Variants in THADA observed in about 807,000 individuals in gnomAD.
THADA encodes THADA armadillo repeat containing.
In THADA, 213 loss-of-function variants were observed where a neutral mutation model predicts 219.8. That is an observed-to-expected ratio of 0.97 (90% confidence interval 0.87 to 1.09). THADA has a LOEUF of 1.09. Among genes scored for constraint, THADA ranks in the 50% least tolerant of loss-of-function variants. The pLI, the probability that THADA is intolerant of heterozygous loss-of-function variation, is 0.00. For synonymous variants in THADA, 1,018 were observed against 828.9 expected (o/e 1.23, Z -3.92); for missense variants, 2,956 against 2,311.3 (o/e 1.28, Z -5.72).
intron 36 of THADA, among the ~76,000 whole-genome samples, chr2:43,272,623 C>CTTTTTT (rs397871468): frequency 8.3e-6 from 1 of 120,304 alleles, no homozygotes; most frequent in Non-Finnish European, 1.7e-5. Flanking sequence ...TGGTTTTGTG[C>CTTTTTT]TTTTTTTTTT....
chr2:43,555,765 G>T (rs1697273625), intron 17 of THADA, among the ~76,000 whole-genome samples: 1 of 151,730 alleles, frequency 6.6e-6, no homozygotes, highest in Non-Finnish European at 1.5e-5. Context: ...TTCTATATCT[G>T]ATCTCCCTTT....
At chr2:43,416,723 G>C (rs1156396634) in intron 28 of THADA, among the ~76,000 whole-genome samples, 1 of 152,170 alleles carries the variant, frequency 6.6e-6, no homozygotes, top group Admixed American at 6.5e-5. Context: ...TATGAAAAGA[G>C]GGCAGTAGGA....
chr2:43,363,310 G>C (rs1215154147), intron 29 of THADA, among the ~76,000 whole-genome samples: 1 of 152,158 alleles, frequency 6.6e-6, no homozygotes, highest in Non-Finnish European at 1.5e-5. Flanking sequence ...GTAATGCATT[G>C]TGCTACATCA....
intron 30 of THADA, among the ~76,000 whole-genome samples, chr2:43,326,165 C>CA (rs57917515): frequency 0.01 from 1,146 of 110,982 alleles, 9 homozygotes; most frequent in East Asian, 0.032. Flanking sequence ...CAATGTCTGT[C>CA]AAAAAAAAAA....
intron 36 of THADA, among the ~76,000 whole-genome samples, chr2:43,240,350 C>T (rs1227536162): frequency 3.9e-5 from 6 of 152,198 alleles, no homozygotes; most frequent in Non-Finnish European, 7.3e-5. Flanking sequence ...TTCATGAGGC[C>T]GTTTCCAGAT....
chr2:43,581,497 T>A (rs1326852437), intron 8 of THADA, among the ~76,000 whole-genome samples: 8 of 136,210 alleles, frequency 5.9e-5, no homozygotes, highest in African/African-American at 2.3e-4. Flanking sequence ...TGAATAAACA[T>A]CACGCCACTA....
chr2:43,242,450 C>T (rs1668720029), intron 36 of THADA, among the ~76,000 whole-genome samples: 2 of 152,128 alleles, frequency 1.3e-5, no homozygotes, highest in African/African-American at 4.8e-5. Context: ...GATACAAATC[C>T]AGGCTTATCT....
chr2:43,511,291 A>C (rs1436763718), intron 22 of THADA, among the ~76,000 whole-genome samples: 1 of 152,208 alleles, frequency 6.6e-6, no homozygotes, highest in Non-Finnish European at 1.5e-5. Flanking sequence ...CTGAAATACA[A>C]ATACACTAAA....
intron 36 of THADA, among the ~76,000 whole-genome samples, chr2:43,252,689 G>T (rs1024270790): frequency 6.6e-6 from 1 of 152,098 alleles, no homozygotes; most frequent in Non-Finnish European, 1.5e-5. Context: ...GGATTCCCCA[G>T]GCCTGTGATG....
chr2:43,579,914 T>C (rs1700231890), intron 8 of THADA, among the ~76,000 whole-genome samples: 3 of 152,158 alleles, frequency 2.0e-5, no homozygotes, highest in Admixed American at 2.0e-4. Flanking sequence ...AAAGGAGGTT[T>C]GGTTTTCAGT....
intron 26 of THADA, among the ~76,000 whole-genome samples, chr2:43,454,796 C>T (rs1468214390): frequency 6.6e-6 from 1 of 152,138 alleles, no homozygotes; most frequent in African/African-American, 2.4e-5. Context: ...TCTATTTTAG[C>T]TCCAAGTGTG....
At chr2:43,303,777 T>G (rs981729500) in intron 31 of THADA, among the ~76,000 whole-genome samples, 1 of 151,984 alleles carries the variant, frequency 6.6e-6, no homozygotes, top group Non-Finnish European at 1.5e-5. Flanking sequence ...CAGTTTCCCC[T>G]GGCATTCCAA....
intron 1 of THADA, among the ~76,000 whole-genome samples, 198 bp from the exon 2 acceptor site, chr2:43,592,614 G>A (rs1701693233): frequency 6.6e-6 from 1 of 152,146 alleles, no homozygotes; most frequent in African/African-American, 2.4e-5. Context: ...TCCAAACACT[G>A]TGAAGTGTCC....
chr2:43,434,221 T>C (rs1476740356), intron 26 of THADA, among the ~76,000 whole-genome samples: 3 of 152,230 alleles, frequency 2.0e-5, no homozygotes, highest in Non-Finnish European at 4.4e-5. Flanking sequence ...TAAGAGCTAA[T>C]ACTGCAGATC....
chr2:43,236,297 G>A (rs984246536), intron 36 of THADA, among the ~76,000 whole-genome samples: 3 of 152,202 alleles, frequency 2.0e-5, no homozygotes, highest in East Asian at 1.9e-4. Context: ...TTGGGGATGC[G>A]GGGGGAAGGA....
intron 26 of THADA, among the ~76,000 whole-genome samples, chr2:43,450,602 G>A (rs914213222): frequency 1.3e-5 from 2 of 151,434 alleles, no homozygotes; most frequent in Non-Finnish European, 2.9e-5. Flanking sequence ...AAAACAAATA[G>A]CCAAATTACA....
At chr2:43,423,019 G>A (rs1407350732) in intron 28 of THADA, among the ~76,000 whole-genome samples, 1 of 152,204 alleles carries the variant, frequency 6.6e-6, no homozygotes, top group Non-Finnish European at 1.5e-5. Context: ...AGAATCTAGA[G>A]AATAGGATGA....
At chr2:43,335,953 C>T (rs1390190424) in intron 30 of THADA, among the ~76,000 whole-genome samples, 6 of 152,008 alleles carry the variant, frequency 3.9e-5, no homozygotes, top group Admixed American at 2.6e-4. Flanking sequence ...AAACCTTAGC[C>T]GGGTGTGGTG....
intron 24 of THADA, among the ~76,000 whole-genome samples, chr2:43,500,633 G>A (rs144886668): frequency 3.3e-5 from 5 of 152,184 alleles, no homozygotes; most frequent in African/African-American, 1.2e-4. Flanking sequence ...ATACTGGGTA[G>A]ATTAAAAATT....
Sources: allele counts gnomAD v4.1 joint callset (sites outside exome capture counted in the v4.1 genomes callset), GRCh38; gene constraint gnomAD v4.1.1; transcripts MANE v1.5; gene names NCBI Gene and HGNC (gene_info 2026-07-23, HGNC 2026-07-21).